The following SGMS2 variants were observed in gnomAD, a reference collection of about 807,000 sequenced individuals.
The protein encoded by SGMS2 is sphingomyelin synthase 2.
Under a neutral mutation model 43.8 loss-of-function variants are expected in SGMS2, and 21 were observed. The observed-to-expected ratio is 0.48, with a 90% confidence interval of 0.34 to 0.69. The LOEUF (loss-of-function observed/expected upper bound fraction) is 0.69, where lower values mean the gene tolerates loss of function less well. Among genes scored for constraint, SGMS2 ranks in the 30% least tolerant of loss-of-function variants. SGMS2 has a pLI of 0.01. For missense variants in SGMS2, 384 were observed against 443.2 expected (o/e 0.87, Z 1.20); for synonymous variants, 167 against 160.6 (o/e 1.04, Z -0.30).
At chr4:107,903,533 G>T in intron 5 of SGMS2, 147 bp downstream of exon 5, 1 of 636,004 alleles carries the variant, frequency 1.6e-6, no homozygotes, top group Non-Finnish European at 2.7e-6. Flanking sequence ...GAATGTGAAT[G>T]TGTGTGTGTG....
At position 107,860,671 on chromosome 4, in the gene SGMS2, C is replaced by A. The variant is rs1289245998; in HGVS notation, c.-245+2118C>A. ...TCCTGAATAGCTGGGATTACAGACA[C>A]CCACCATTGCGCCTGGCTAATTTTT... On this transcript the variant is annotated intron_variant, in intron 2 of 6. Coordinates refer to ENST00000690982, the MANE Select transcript of SGMS2 (RefSeq NM_001375905.1). Among the ~76,000 whole-genome samples the A allele has an allele frequency of 2.0e-5, 3 of 151,932 alleles. No individual in the cohort carries two copies. The South Asian group carries it at 6.2e-4, about 32-fold the overall frequency.
At chr4:107,850,458 A>G (rs1226897095) in intron 1 of SGMS2, among the ~76,000 whole-genome samples, 1 of 152,184 alleles carries the variant, frequency 6.6e-6, no homozygotes, top group Non-Finnish European at 1.5e-5. Context: ...ACTTTTTCCT[A>G]TAGCAAGCTT....
intron 1 of SGMS2, among the ~76,000 whole-genome samples, chr4:107,833,824 G>A (rs1235485433): frequency 6.6e-6 from 1 of 152,170 alleles, no homozygotes; most frequent in Non-Finnish European, 1.5e-5. Context: ...AGGACCTTCT[G>A]AGTGGAAAAG....
At chr4:107,892,112 A>G (rs78606273) in intron 2 of SGMS2, among the ~76,000 whole-genome samples, 2 of 44,350 alleles carry the variant, frequency 4.5e-5, no homozygotes, top group Admixed American at 1.5e-4. Context: ...AGGAGCAGGA[A>G]AAAAAAAAAA....
At chr4:107,841,518 A>G (rs1278791337) in intron 1 of SGMS2, among the ~76,000 whole-genome samples, 1 of 152,080 alleles carries the variant, frequency 6.6e-6, no homozygotes, top group Non-Finnish European at 1.5e-5. Flanking sequence ...GCAGTCAGAA[A>G]TTGTCCTTGG....
chr4:107,853,825 C>T (rs1727282832), intron 1 of SGMS2, among the ~76,000 whole-genome samples: 1 of 152,002 alleles, frequency 6.6e-6, no homozygotes, highest in South Asian at 2.1e-4. Flanking sequence ...ACTGTTAAGT[C>T]AGAGAAAAAG....
intron 1 of SGMS2, among the ~76,000 whole-genome samples, chr4:107,835,726 A>C (rs1272346479): frequency 6.6e-6 from 1 of 152,218 alleles, no homozygotes; most frequent in Non-Finnish European, 1.5e-5. Flanking sequence ...CTTCACTAGT[A>C]CCAGAAGGGT....
chr4:107,885,962 T>C (rs1006931572), intron 2 of SGMS2, among the ~76,000 whole-genome samples: 2 of 152,178 alleles, frequency 1.3e-5, no homozygotes, highest in African/African-American at 2.4e-5. Flanking sequence ...CTGATGTGGA[T>C]AGAAGCAAAC....
At chr4:107,858,307 T>C (rs1411222258) in intron 1 of SGMS2, among the ~76,000 whole-genome samples, 165 bp from the exon 2 acceptor site, 2 of 152,146 alleles carry the variant, frequency 1.3e-5, no homozygotes, top group Non-Finnish European at 2.9e-5. Context: ...TCAGTACCTG[T>C]TATAGCCAGT....
intron 2 of SGMS2, among the ~76,000 whole-genome samples, chr4:107,859,827 C>A (rs1355749915): frequency 6.6e-6 from 1 of 151,982 alleles, no homozygotes; most frequent in Admixed American, 6.6e-5. Flanking sequence ...GAGAGTGAAA[C>A]CCTGATTTGG....
chr4:107,853,050 A>T (rs1727238706), intron 1 of SGMS2, among the ~76,000 whole-genome samples: 1 of 152,164 alleles, frequency 6.6e-6, no homozygotes, highest in Admixed American at 6.6e-5. Context: ...AAAATTATTT[A>T]ATTTTTACTG....
intron 4 of SGMS2, among the ~76,000 whole-genome samples, chr4:107,901,058 G>T (rs1283749672): frequency 6.6e-6 from 1 of 152,144 alleles, no homozygotes; most frequent in African/African-American, 2.4e-5. Flanking sequence ...AGGATGAATT[G>T]CTATGATTAC....
At chr4:107,896,142 T>C (rs1730653569) in intron 3 of SGMS2, 134 bp downstream of exon 3, 1 of 790,626 alleles carries the variant, frequency 1.3e-6, no homozygotes, top group Non-Finnish European at 2.0e-6. Flanking sequence ...AAGAAAACAG[T>C]AGAAAGCTCT....
intron 2 of SGMS2, 75 bp from the exon 3 acceptor site, chr4:107,895,235 T>C (rs1730570091): frequency 3.7e-6 from 1 of 270,378 alleles, no homozygotes; most frequent in Non-Finnish European, 6.9e-6. Context: ...TTCCTTAGTT[T>C]AAGAATGTTT....
chr4:107,889,883 C>T (rs1428170842), intron 2 of SGMS2, among the ~76,000 whole-genome samples: 1 of 152,142 alleles, frequency 6.6e-6, no homozygotes, highest in Non-Finnish European at 1.5e-5. Context: ...CATAGGATTG[C>T]ATAAGGAGAC....
intron 1 of SGMS2, among the ~76,000 whole-genome samples, chr4:107,856,693 A>G (rs1487949216): frequency 6.6e-6 from 1 of 152,214 alleles, no homozygotes; most frequent in Non-Finnish European, 1.5e-5. Flanking sequence ...AACATGTACC[A>G]TGGGGAGTGT....
At chr4:107,908,540 A>C in intron 5 of SGMS2, 25 bp from the exon 6 acceptor site, 2 of 1,603,542 alleles carry the variant, frequency 1.2e-6, no homozygotes, top group Non-Finnish European at 1.7e-6. Context: ...AATCTTATTA[A>C]CTCTGTAATT....
intron 2 of SGMS2, among the ~76,000 whole-genome samples, chr4:107,881,411 C>A (rs907831294): frequency 6.6e-6 from 1 of 152,044 alleles, no homozygotes; most frequent in African/African-American, 2.4e-5. Context: ...CTAGGCTCTG[C>A]TACTTCCTCT....
chr4:107,866,404 A>G (rs1209541283), intron 2 of SGMS2, among the ~76,000 whole-genome samples: 1 of 152,098 alleles, frequency 6.6e-6, no homozygotes, highest in Non-Finnish European at 1.5e-5. Context: ...TGTCTCTACT[A>G]AAAACAGAAA....
Sources: allele counts gnomAD v4.1 joint callset (sites outside exome capture counted in the v4.1 genomes callset), GRCh38; gene constraint gnomAD v4.1.1; transcripts MANE v1.5; gene names NCBI Gene and HGNC (gene_info 2026-07-23, HGNC 2026-07-21).